The following CDH4 variants were observed in gnomAD, a reference collection of about 807,000 sequenced individuals.
CDH4 encodes cadherin 4.
Under a neutral mutation model 86.0 loss-of-function variants are expected in CDH4, and 33 were observed. The ratio of observed to expected loss-of-function variants is 0.38; its 90% CI spans 0.29 to 0.51. The LOEUF (loss-of-function observed/expected upper bound fraction) is 0.51, where lower values mean the gene tolerates loss of function less well. Among genes scored for constraint, CDH4 ranks in the 20% least tolerant of loss-of-function variants. The pLI is 0.86. For missense variants in CDH4, 1,114 were observed against 1,307.4 expected (o/e 0.85, Z 2.28); for synonymous variants, 555 against 549.4 (o/e 1.01, Z -0.14).
intron 2 of CDH4, among the ~76,000 whole-genome samples, chr20:61,720,192 C>T (rs551731444): frequency 3.8e-4 from 58 of 152,158 alleles, no homozygotes; most frequent in Non-Finnish European, 6.8e-4. Context: ...ATGTTTTGGG[C>T]GAACGTTGGT....
chr20:61,667,023 C>G (rs150731282), intron 2 of CDH4, among the ~76,000 whole-genome samples: 2 of 152,250 alleles, frequency 1.3e-5, no homozygotes, highest in Non-Finnish European at 2.9e-5. Flanking sequence ...GTGCTGGCAC[C>G]ACAGTCTGTA....
intron 2 of CDH4, among the ~76,000 whole-genome samples, chr20:61,532,920 G>A (rs1054379239): frequency 2.0e-5 from 3 of 152,142 alleles, no homozygotes; most frequent in Non-Finnish European, 2.9e-5. Context: ...GTCTCCCTGC[G>A]ATGCAATCAA....
chr20:61,873,812 A>T lies in CDH4; in HGVS notation c.962A>T (p.Gln321Leu). The T allele has an allele frequency of 6.2e-7, 1 of 1,614,092 alleles. No homozygotes were observed. Among genetic ancestry groups the T allele is most frequent in the Non-Finnish European group, 8.5e-7 (1 of 1,180,030 alleles). Residue 321 changes from glutamine to leucine, a missense_variant, in exon 7 of 16, where the codon CAG becomes CTG. Gln to Leu is a moderately radical substitution (Grantham distance 113). Coordinates refer to ENST00000614565, the MANE Select transcript of CDH4 (RefSeq NM_001794.5). ...ATGGTGCGGTACCGGATCGTGACCC[A>T]GACCCCACAGAGCCCGTCCCAGAAT... ...NGMVRYRIVT[Q>L]TPQSPSQNMF...
At chr20:61,881,509 C>T (rs1400252898) in intron 7 of CDH4, among the ~76,000 whole-genome samples, 7 of 152,244 alleles carry the variant, frequency 4.6e-5, no homozygotes, top group African/African-American at 1.2e-4. Flanking sequence ...CTGGCAGCAG[C>T]GGCCAAGACT....
chr20:61,349,882 G>A (rs1002296051), intron 2 of CDH4, among the ~76,000 whole-genome samples: 4 of 152,250 alleles, frequency 2.6e-5, no homozygotes, highest in Middle Eastern at 3.4e-3. Context: ...GCTCACCCCC[G>A]GGGCAGGGCA....
At chr20:61,551,658 C>T (rs1344466537) in intron 2 of CDH4, among the ~76,000 whole-genome samples, 1 of 152,206 alleles carries the variant, frequency 6.6e-6, no homozygotes, top group Non-Finnish European at 1.5e-5. Context: ...TCATTCCCAT[C>T]TGCACAATAG....
chr20:61,638,030 T>TTAAAAAAA (rs147676924), intron 2 of CDH4, among the ~76,000 whole-genome samples: 2 of 141,446 alleles, frequency 1.4e-5, no homozygotes, highest in African/African-American at 2.7e-5. Context: ...AAACTCCGTC[T>TTAAAAAAA]AAAAAAAAAA....
intron 2 of CDH4, among the ~76,000 whole-genome samples, chr20:61,471,382 A>T (rs1472417719): frequency 6.6e-6 from 1 of 150,812 alleles, no homozygotes; most frequent in East Asian, 1.9e-4. Context: ...CTCTTTTTTC[A>T]TCTCTGATTG....
intron 2 of CDH4, among the ~76,000 whole-genome samples, chr20:61,722,034 G>A (rs1051616579): frequency 3.9e-5 from 6 of 152,126 alleles, no homozygotes; most frequent in South Asian, 2.1e-4. Context: ...GCACCTCACC[G>A]TCCAATGTGA....
At chr20:61,878,398 C>G (rs1010975690) in intron 7 of CDH4, among the ~76,000 whole-genome samples, 4 of 152,232 alleles carry the variant, frequency 2.6e-5, no homozygotes, top group African/African-American at 4.8e-5. Flanking sequence ...CAGTGTTGGG[C>G]GCCCTCAGGG....
At chr20:61,388,275 G>A (rs2084963022) in intron 2 of CDH4, among the ~76,000 whole-genome samples, 1 of 152,138 alleles carries the variant, frequency 6.6e-6, no homozygotes, top group Non-Finnish European at 1.5e-5. Context: ...GGTGGTGGGT[G>A]GGGGTAGGGG....
Position 61,534,669 on chromosome 20 carries a change from T to C in CDH4, c.170-208894T>C, listed in dbSNP as rs1415825751. Among the ~76,000 whole-genome samples the C allele has an allele frequency of 3.2e-4, 44 of 138,664 alleles. 1 individual carries two copies. Among genetic ancestry groups the C allele is most frequent in the South Asian group, 8.9e-4 (4 of 4,492 alleles). 91.0% of individuals were successfully genotyped at this position (138,664 alleles called of 152,430 possible). ...CTTTCTTTTCTTTCTTTCTTTCTTT[T>C]TTTTTTTTTTTTTTTTTTGAGGTGT... On this transcript the variant is annotated intron_variant, in intron 2 of 15. Coordinates refer to ENST00000614565, the MANE Select transcript of CDH4 (RefSeq NM_001794.5).
At chr20:61,352,830 C>A (rs2084721226) in intron 2 of CDH4, among the ~76,000 whole-genome samples, 1 of 152,112 alleles carries the variant, frequency 6.6e-6, no homozygotes. Context: ...AGTTCTTCAT[C>A]CGGCAGTGCA....
intron 2 of CDH4, among the ~76,000 whole-genome samples, chr20:61,726,975 C>T (rs561844095): frequency 7.2e-5 from 11 of 152,156 alleles, no homozygotes; most frequent in Non-Finnish European, 1.2e-4. Context: ...GTGCCATCAT[C>T]GCCACCATAG....
intron 5 of CDH4, among the ~76,000 whole-genome samples, chr20:61,847,766 G>A (rs1434083671): frequency 2.0e-5 from 3 of 152,124 alleles, no homozygotes; most frequent in East Asian, 1.9e-4. Context: ...GGGAGCAGAC[G>A]TCCCACGTGG....
intron 2 of CDH4, among the ~76,000 whole-genome samples, chr20:61,617,567 C>A (rs1217524793): frequency 3.3e-5 from 5 of 152,196 alleles, no homozygotes; most frequent in African/African-American, 1.2e-4. Context: ...GAGCTTCGTG[C>A]CCCTTCGTGG....
chr20:61,598,830 C>T lies in CDH4; in HGVS notation c.170-144733C>T, dbSNP rs558862086. Among the ~76,000 whole-genome samples, 8 of 152,330 alleles carry T rather than the reference C, an allele frequency of 5.3e-5. No individual in the cohort carries two copies. The South Asian group carries it at 6.2e-4, about 12-fold the overall frequency. ...TCCATGGAAGTGTGGTCGGAGTACC[C>T]GAGGCCCCTTCCCTACTGCAGGCAC... is the stretch of plus-strand genomic sequence containing the variant. On this transcript the variant is annotated intron_variant, in intron 2 of 15. Coordinates refer to ENST00000614565, the MANE Select transcript of CDH4 (RefSeq NM_001794.5).
At chr20:61,839,437 T>G (rs991115559) in intron 4 of CDH4, among the ~76,000 whole-genome samples, 1 of 150,476 alleles carries the variant, frequency 6.6e-6, no homozygotes, top group Non-Finnish European at 1.5e-5. Flanking sequence ...ATGTGTGTGT[T>G]TGTGTATTGA....
chr20:61,737,514 G>A (rs756703423), intron 2 of CDH4, among the ~76,000 whole-genome samples: 2 of 152,158 alleles, frequency 1.3e-5, no homozygotes, highest in Non-Finnish European at 2.9e-5. Flanking sequence ...GCAGCCTGGA[G>A]GGCTTGGCCA....
Sources: allele counts gnomAD v4.1 joint callset (sites outside exome capture counted in the v4.1 genomes callset), GRCh38; gene constraint gnomAD v4.1.1; transcripts MANE v1.5; gene names NCBI Gene and HGNC (gene_info 2026-07-23, HGNC 2026-07-21).